TMCO4: variants seen among roughly 807,000 people sequenced by gnomAD.
The protein encoded by TMCO4 is transmembrane and coiled-coil domain-containing protein 4.
In TMCO4, 58 loss-of-function variants were observed where a neutral mutation model predicts 64.7. The observed-to-expected ratio is 0.90, with a 90% CI of 0.73 to 1.12. TMCO4 has a LOEUF of 1.12. Among genes scored for constraint, TMCO4 ranks in the 50% most tolerant of loss-of-function variants. The pLI is 0.00. For synonymous variants in TMCO4, 325 were observed against 346.1 expected, an observed-to-expected ratio of 0.94 and a Z score of 0.68; for missense variants, 780 against 825.9, an observed-to-expected ratio of 0.94 and a Z score of 0.68.
chr1:19,702,452 T>C (rs2095279373), intron 13 of TMCO4, among the ~76,000 whole-genome samples: 1 of 151,904 alleles, frequency 6.6e-6, no homozygotes. Flanking sequence ...ATTAGCTGGG[T>C]GTGGTGGTGG....
At chr1:19,764,825 A>G (rs2042659891) in intron 6 of TMCO4, among the ~76,000 whole-genome samples, 1 of 146,150 alleles carries the variant, frequency 6.8e-6, no homozygotes, top group African/African-American at 2.5e-5. Context: ...ATTGCACTCA[A>G]GAGTGAAACT....
intron 7 of TMCO4, among the ~76,000 whole-genome samples, chr1:19,755,246 C>T (rs543093107): frequency 3.9e-4 from 59 of 152,342 alleles, no homozygotes; most frequent in African/African-American, 1.4e-3. Flanking sequence ...CTGGCTCAGC[C>T]TCCCGAGTAG....
intron 13 of TMCO4, among the ~76,000 whole-genome samples, chr1:19,730,077 A>G (rs2095424019): frequency 6.6e-6 from 1 of 152,244 alleles, no homozygotes; most frequent in South Asian, 2.1e-4. Flanking sequence ...TGTTTACCAA[A>G]TGGTTCTAGC....
chr1:19,712,480 C>T (rs2095335373), intron 13 of TMCO4, among the ~76,000 whole-genome samples: 1 of 151,646 alleles, frequency 6.6e-6, no homozygotes, highest in Non-Finnish European at 1.5e-5. Context: ...ATTAGCCAGG[C>T]GTGGTGGCAG....
chr1:19,736,871 G>C (rs1228795302), intron 13 of TMCO4, among the ~76,000 whole-genome samples: 1 of 152,186 alleles, frequency 6.6e-6, no homozygotes, highest in East Asian at 1.9e-4. Flanking sequence ...AAATGATCTT[G>C]ACATGGGATC....
chr1:19,710,352 A>G (rs1290101796), intron 13 of TMCO4, among the ~76,000 whole-genome samples: 2 of 150,904 alleles, frequency 1.3e-5, no homozygotes, highest in African/African-American at 2.4e-5. Context: ...AGCTCAAGCA[A>G]TCTTCCTGCC....
chr1:19,694,372 G>A (rs981778263), intron 15 of TMCO4, 62 bp downstream of exon 15: 57 of 1,441,164 alleles, frequency 4.0e-5, no homozygotes, highest in Non-Finnish European at 5.4e-5. Context: ...AGGGGACAGG[G>A]GTGGCTGGGC....
chr1:19,758,314 C>T (rs1309245243), intron 6 of TMCO4, among the ~76,000 whole-genome samples: 2 of 152,160 alleles, frequency 1.3e-5, no homozygotes, highest in Non-Finnish European at 2.9e-5. Context: ...TTATTAGATT[C>T]AGTAAACTTC....
chr1:19,797,563 T>A (rs2044368862), intron 2 of TMCO4, among the ~76,000 whole-genome samples: 1 of 151,982 alleles, frequency 6.6e-6, no homozygotes, highest in Non-Finnish European at 1.5e-5. Context: ...GTTTTTTCTC[T>A]TTTCCTTAAG....
At chr1:19,760,408 C>T (rs1234983106) in intron 6 of TMCO4, among the ~76,000 whole-genome samples, 1 of 152,118 alleles carries the variant, frequency 6.6e-6, no homozygotes, top group Non-Finnish European at 1.5e-5. Context: ...TGAGTTATTT[C>T]TCCGTATCTT....
At chr1:19,755,547 T>C (rs2042207992) in intron 7 of TMCO4, 87 bp downstream of exon 7, 2 of 1,564,304 alleles carry the variant, frequency 1.3e-6, no homozygotes, top group Admixed American at 1.8e-5. Context: ...ACACCATCTC[T>C]TAAAGGGAGA....
intron 11 of TMCO4, 25 bp downstream of exon 11, chr1:19,740,752 T>C: frequency 6.3e-7 from 1 of 1,593,934 alleles, no homozygotes; most frequent in South Asian, 1.1e-5. Context: ...CATGCTGTTG[T>C]TGGGGGGCAG....
chr1:19,687,061 C>T (rs1294992973), intron 15 of TMCO4, among the ~76,000 whole-genome samples: 3 of 151,812 alleles, frequency 2.0e-5, no homozygotes, highest in African/African-American at 4.8e-5. Flanking sequence ...AAGCTATTTT[C>T]GTGCCTCAGC....
intron 13 of TMCO4, among the ~76,000 whole-genome samples, chr1:19,724,421 C>T (rs1294502659): frequency 6.6e-6 from 1 of 152,096 alleles, no homozygotes; most frequent in Non-Finnish European, 1.5e-5. Context: ...TGCTAGGTGC[C>T]GATGACAGAG....
At chr1:19,773,481 C>T (rs1250986126) in intron 4 of TMCO4, among the ~76,000 whole-genome samples, 1 of 152,142 alleles carries the variant, frequency 6.6e-6, no homozygotes, top group Non-Finnish European at 1.5e-5. Context: ...AGCCAGTTAC[C>T]GGATGCAGGT....
intron 3 of TMCO4, among the ~76,000 whole-genome samples, chr1:19,783,154 G>C (rs1209642159): frequency 1.3e-5 from 2 of 152,218 alleles, no homozygotes; most frequent in African/African-American, 2.4e-5. Context: ...GTTATTACTG[G>C]GTGTAGGGCA....
At chr1:19,797,524 G>A (rs2044366478) in intron 2 of TMCO4, among the ~76,000 whole-genome samples, 1 of 152,046 alleles carries the variant, frequency 6.6e-6, no homozygotes, top group African/African-American at 2.4e-5. Flanking sequence ...AGGGGACAGT[G>A]GTACATAGCC....
chr1:19,756,238 G>A (rs2042250906), intron 6 of TMCO4, among the ~76,000 whole-genome samples: 1 of 152,120 alleles, frequency 6.6e-6, no homozygotes, highest in African/African-American at 2.4e-5. Context: ...GACAGAGTGA[G>A]ACCCTGTCTC....
intron 14 of TMCO4, among the ~76,000 whole-genome samples, chr1:19,698,106 C>T (rs577705108): frequency 6.6e-6 from 1 of 152,338 alleles, no homozygotes; most frequent in Non-Finnish European, 1.5e-5. Context: ...CCAGGCCCTC[C>T]AGCCAATGCT....
Sources: allele counts gnomAD v4.1 joint callset (sites outside exome capture counted in the v4.1 genomes callset), GRCh38; gene constraint gnomAD v4.1.1; transcripts MANE v1.5; gene names NCBI Gene and HGNC (gene_info 2026-07-23, HGNC 2026-07-21).